Variants in ANKS1B observed in about 807,000 individuals in gnomAD.
The protein encoded by ANKS1B is ankyrin repeat and sterile alpha motif domain containing 1B.
ANKS1B carries 36 observed loss-of-function variants against 148.3 expected under a neutral mutation model. The ratio of observed to expected loss-of-function variants is 0.24; its 90% CI spans 0.19 to 0.32. The LOEUF (loss-of-function observed/expected upper bound fraction) is 0.32, where lower values mean the gene tolerates loss of function less well. Ranked by LOEUF, ANKS1B falls within the 10% of genes least tolerant of loss-of-function variation. ANKS1B has a pLI of 1.00. For missense variants in ANKS1B, 1,157 were observed against 1,542.6 expected, an observed-to-expected ratio of 0.75 and a Z score of 4.19; for synonymous variants, 542 against 560.8, an observed-to-expected ratio of 0.97 and a Z score of 0.47.
At chr12:99,140,593 A>ACC (rs1314389752) in intron 15 of ANKS1B, among the ~76,000 whole-genome samples, 2 of 152,162 alleles carry the variant, frequency 1.3e-5, no homozygotes, top group Non-Finnish European at 2.9e-5. Context: ...TCTTAATAAA[A>ACC]CCTTGCGAAC....
chr12:99,781,969 A>G, intron 5 of ANKS1B, 53 bp downstream of exon 5: 1 of 1,465,856 alleles, frequency 6.8e-7, no homozygotes, highest in Non-Finnish European at 9.3e-7. Flanking sequence ...TCTATTCCCA[A>G]AATAGAAATG....
chr12:98,741,026 T>C (rs1178302853), downstream of ANKS1B, among the ~76,000 whole-genome samples: 2 of 152,154 alleles, frequency 1.3e-5, no homozygotes, highest in Admixed American at 1.3e-4. Flanking sequence ...TTCAATGATA[T>C]CATAAAGCTA....
At chr12:99,117,885 G>A (rs1478021655) in intron 15 of ANKS1B, among the ~76,000 whole-genome samples, 1 of 152,134 alleles carries the variant, frequency 6.6e-6, no homozygotes, top group African/African-American at 2.4e-5. Flanking sequence ...AATTGTTATT[G>A]GTCTATTCAG....
chr12:99,021,409 C>T (rs2099945723), intron 17 of ANKS1B, among the ~76,000 whole-genome samples: 1 of 152,052 alleles, frequency 6.6e-6, no homozygotes, highest in Non-Finnish European at 1.5e-5. Context: ...TGGTAGTTTT[C>T]ACCTTTCAGA....
At chr12:99,137,238 A>T (rs1221093354) in intron 15 of ANKS1B, among the ~76,000 whole-genome samples, 1 of 152,176 alleles carries the variant, frequency 6.6e-6, no homozygotes, top group East Asian at 1.9e-4. Flanking sequence ...GTATCAATAA[A>T]ACGCTTTCTA....
intron 22 of ANKS1B, chr12:98,794,705 C>G (rs1011091547): frequency 1.1e-6 from 1 of 949,502 alleles, no homozygotes; most frequent in Non-Finnish European, 1.7e-6. Context: ...ATTTGAAAAC[C>G]GTAGAAATGA....
At chr12:99,269,331 C>T (rs570284734) in intron 12 of ANKS1B, among the ~76,000 whole-genome samples, 39 of 152,312 alleles carry the variant, frequency 2.6e-4, no homozygotes, top group African/African-American at 9.4e-4. Context: ...ACATAAAAGA[C>T]AAGCATCAAT....
At position 98,817,953 on chromosome 12, in the gene ANKS1B, C is replaced by T. The variant is rs191241650; in HGVS notation, c.3067-10035G>A. The stretch of plus-strand genomic sequence containing the variant: ...AGTTGTTTCTCTAACAACATCTGCA[C>T]GTGTGACCCATGATTGCTGGAGTCA... On this transcript the variant is annotated intron_variant, in intron 19 of 26. Transcript: ENST00000683438. 7.6e-4 allele frequency among the ~76,000 whole-genome samples: 116 copies of T among 152,286 alleles called. 1 individual carries two copies. The highest frequency in any genetic ancestry group is 5.8e-4 in the East Asian group (3 of 5,182).
intron 12 of ANKS1B, among the ~76,000 whole-genome samples, chr12:99,359,821 G>A (rs965699716): frequency 7.2e-5 from 11 of 152,066 alleles, no homozygotes; most frequent in South Asian, 4.2e-4. Context: ...TGTAAACCAC[G>A]TTTAATTATT....
chr12:99,055,354 C>T (rs898492898), intron 16 of ANKS1B, among the ~76,000 whole-genome samples: 1 of 152,134 alleles, frequency 6.6e-6, no homozygotes, highest in South Asian at 2.1e-4. Context: ...TTGCCGTTGG[C>T]CCATCCATAA....
At chr12:99,252,414 A>C (rs1033456234) in intron 12 of ANKS1B, among the ~76,000 whole-genome samples, 14 of 152,236 alleles carry the variant, frequency 9.2e-5, no homozygotes, top group Non-Finnish European at 1.6e-4. Context: ...AATTCTCATA[A>C]AAACAAGACA....
intron 12 of ANKS1B, among the ~76,000 whole-genome samples, chr12:99,287,970 AAGAG>A (rs1293378185): frequency 7.2e-5 from 11 of 152,156 alleles, no homozygotes; most frequent in African/African-American, 2.4e-4. Flanking sequence ...AGAGGAGGTA[AAGAG>A]AGAGATCAGG....
intron 9 of ANKS1B, among the ~76,000 whole-genome samples, chr12:99,600,458 A>T (rs1368725860): frequency 6.6e-6 from 1 of 152,022 alleles, no homozygotes; most frequent in African/African-American, 2.4e-5. Flanking sequence ...ATGAGACCAC[A>T]GGGTACACTA....
intron 17 of ANKS1B, among the ~76,000 whole-genome samples, chr12:98,948,772 C>G (rs1443808793): frequency 1.4e-5 from 2 of 146,994 alleles, no homozygotes; most frequent in South Asian, 4.6e-4. Flanking sequence ...CCCACACCCC[C>G]CCCCACACAC....
At position 99,781,943 on chromosome 12, in the gene ANKS1B, G is replaced by T. The variant is rs1602024081; in HGVS notation, c.745+79C>A. 2.3e-5 allele frequency: 28 copies of T among 1,221,056 alleles called. 1 individual carries two copies. The South Asian group carries it at 4.1e-4, about 18-fold the overall frequency. 75.6% of individuals were successfully genotyped at this position (1,221,056 alleles called of 1,614,324 possible). A position where few individuals can be genotyped will look rare whatever the true frequency, so the allele number is the denominator to read the frequency against. On this transcript the variant is annotated intron_variant, in intron 5 of 26. Coordinates refer to ENST00000683438, the MANE Select transcript of ANKS1B (RefSeq NM_001352186.2). The stretch of plus-strand genomic sequence containing the variant: ...AAGAGGGTGATTTGTGAAGAAAACT[G>T]TGTCATTTTCCTTTGTCTATTCCCA...
At chr12:99,874,331 T>A (rs1181803419) in intron 1 of ANKS1B, among the ~76,000 whole-genome samples, 2 of 152,090 alleles carry the variant, frequency 1.3e-5, no homozygotes, top group Admixed American at 1.3e-4. Context: ...TTTACCATAA[T>A]AAAATCCCCA....
intron 17 of ANKS1B, among the ~76,000 whole-genome samples, chr12:99,002,100 G>T (rs1255773795): frequency 6.6e-6 from 1 of 152,146 alleles, no homozygotes; most frequent in East Asian, 1.9e-4. Context: ...GAATAATGCT[G>T]CAATGACCAT....
intron 12 of ANKS1B, among the ~76,000 whole-genome samples, chr12:99,314,597 C>T (rs1040909348): frequency 2.6e-5 from 4 of 152,012 alleles, no homozygotes; most frequent in African/African-American, 7.3e-5. Context: ...AGAACAGATA[C>T]CTCAGTAATA....
chr12:98,963,605 G>T (rs535232667), intron 17 of ANKS1B, among the ~76,000 whole-genome samples: 1 of 152,198 alleles, frequency 6.6e-6, no homozygotes, highest in Admixed American at 6.6e-5. Flanking sequence ...GTGATTTCTT[G>T]AGTAATACCT....
Sources: gnomAD v4.1 joint callset for allele counts (sites outside exome capture counted in the v4.1 genomes callset) on GRCh38, gnomAD v4.1.1 for gene constraint, MANE v1.5 for transcripts, NCBI Gene and HGNC (gene_info 2026-07-23, HGNC 2026-07-21) for gene names.